Variants in DOCK3 observed in about 807,000 individuals in gnomAD.
The protein encoded by DOCK3 is dedicator of cytokinesis protein 3.
In DOCK3, 60 loss-of-function variants were observed where a neutral mutation model predicts 265.6. That is an observed-to-expected ratio of 0.23 (90% CI 0.18 to 0.28). The LOEUF is 0.28. DOCK3 is among the 10% of genes least tolerant of loss of function. The pLI is 1.00. For missense variants in DOCK3, 1,981 were observed against 2,594.3 expected, an observed-to-expected ratio of 0.76 and a Z score of 5.14; for synonymous variants, 881 against 938.0, an observed-to-expected ratio of 0.94 and a Z score of 1.11.
At chr3:50,841,026 T>C (rs550282811) in intron 2 of DOCK3, among the ~76,000 whole-genome samples, 1 of 152,340 alleles carries the variant, frequency 6.6e-6, no homozygotes, top group Non-Finnish European at 1.5e-5. Context: ...CTCCTACCCA[T>C]TGGAGCTGCT....
intron 19 of DOCK3, among the ~76,000 whole-genome samples, chr3:51,232,100 C>G (rs1265658365): frequency 1.3e-5 from 2 of 152,070 alleles, no homozygotes; most frequent in Admixed American, 6.6e-5. Context: ...ATCTCAGCAC[C>G]ATTCATTTTT....
At chr3:50,811,718 AG>A (rs1271571312) in intron 2 of DOCK3, among the ~76,000 whole-genome samples, 1 of 152,206 alleles carries the variant, frequency 6.6e-6, no homozygotes, top group East Asian at 1.9e-4. Flanking sequence ...GGGTTATTAC[AG>A]TTATATTTAG....
intron 1 of DOCK3, among the ~76,000 whole-genome samples, chr3:50,721,292 A>G (rs576742064): frequency 6.6e-6 from 1 of 152,228 alleles, no homozygotes; most frequent in South Asian, 2.1e-4. Context: ...GGCATTTCCT[A>G]GGTTTTCTTC....
intron 35 of DOCK3, chr3:51,336,873 T>G (rs1271408217): frequency 2.2e-6 from 1 of 456,138 alleles, no homozygotes; most frequent in Non-Finnish European, 4.4e-6. Context: ...TACAAATCAC[T>G]AAATGCCAAA....
At chr3:51,276,694 G>A (rs182324001) in intron 25 of DOCK3, among the ~76,000 whole-genome samples, 169 of 152,220 alleles carry the variant, frequency 1.1e-3, no homozygotes, top group African/African-American at 3.8e-3. Flanking sequence ...ATTATCTCTC[G>A]TTCACCTCTA....
intron 9 of DOCK3, among the ~76,000 whole-genome samples, chr3:51,116,740 C>T (rs2083761018): frequency 6.6e-6 from 1 of 152,090 alleles, no homozygotes; most frequent in African/African-American, 2.4e-5. Flanking sequence ...AACGGGAGTT[C>T]ACTCGTGATT....
In DOCK3 at chr3:50,898,812, G is replaced by A. The variant is rs369754934; in HGVS notation, c.218+8731G>A. Among the ~76,000 whole-genome samples, 5 of 152,140 alleles carry A rather than the reference G, an allele frequency of 3.3e-5. No homozygotes were observed. In the East Asian group the frequency reaches 5.8e-4, roughly 18 times the overall value. On this transcript the variant is annotated intron_variant, in intron 4 of 52. Coordinates refer to ENST00000266037, the MANE Select transcript of DOCK3 (RefSeq NM_004947.5). ...TTTTGATTATGAGTTTCTCAATCCT[G>A]AGTTCCAATTTGATTGCACTGTGGT...
At chr3:51,379,638 A>T in intron 51 of DOCK3, 10 of 985,268 alleles carry the variant, frequency 1.0e-5, no homozygotes, top group Non-Finnish European at 1.2e-5. Flanking sequence ...GGCCACAGCA[A>T]CAGCCATCTA....
chr3:51,107,307 T>C (rs2083319894), intron 9 of DOCK3, among the ~76,000 whole-genome samples: 1 of 152,244 alleles, frequency 6.6e-6, no homozygotes, highest in Non-Finnish European at 1.5e-5. Context: ...GAGTATCTTC[T>C]TTCCTCCAAA....
intron 2 of DOCK3, among the ~76,000 whole-genome samples, chr3:50,818,476 G>T (rs988302350): frequency 6.6e-6 from 1 of 152,198 alleles, no homozygotes; most frequent in Non-Finnish European, 1.5e-5. Flanking sequence ...TGCCTACCAC[G>T]TGTAAACCCT....
intron 3 of DOCK3, among the ~76,000 whole-genome samples, chr3:50,845,781 C>T (rs772315463): frequency 5.3e-5 from 8 of 152,002 alleles, no homozygotes; most frequent in Admixed American, 2.6e-4. Context: ...GAGGTTCAAG[C>T]GATTGAACCT....
chr3:51,216,544 T>C (rs1220292588), intron 14 of DOCK3, among the ~76,000 whole-genome samples: 5 of 152,210 alleles, frequency 3.3e-5, no homozygotes, highest in African/African-American at 1.2e-4. Context: ...GACTGGTTCA[T>C]AGGCAGAGCA....
intron 27 of DOCK3, among the ~76,000 whole-genome samples, chr3:51,307,798 TA>T: frequency 6.6e-6 from 1 of 151,956 alleles, no homozygotes; most frequent in East Asian, 1.9e-4. Flanking sequence ...ATTTTCCTTA[TA>T]ATTTTTTTTT....
intron 40 of DOCK3, among the ~76,000 whole-genome samples, chr3:51,354,122 A>G (rs2086194280): frequency 6.6e-6 from 1 of 152,238 alleles, no homozygotes; most frequent in Non-Finnish European, 1.5e-5. Flanking sequence ...TTACTAATGC[A>G]ATAAACAGTT....
chr3:50,681,406 A>G (rs2034401196), intron 1 of DOCK3, among the ~76,000 whole-genome samples: 1 of 152,208 alleles, frequency 6.6e-6, no homozygotes, highest in Non-Finnish European at 1.5e-5. Context: ...ATCTGAAATT[A>G]TTCCCAACAT....
chr3:50,987,724 A>G (rs1408076104), intron 5 of DOCK3, among the ~76,000 whole-genome samples: 6 of 152,188 alleles, frequency 3.9e-5, no homozygotes, highest in Non-Finnish European at 7.4e-5. Flanking sequence ...GTGGCCCGCC[A>G]GGGAGCAACA....
chr3:50,736,190 G>A (rs1049964661), intron 1 of DOCK3, among the ~76,000 whole-genome samples: 3 of 152,050 alleles, frequency 2.0e-5, no homozygotes, highest in African/African-American at 7.2e-5. Flanking sequence ...TGAGAATGAT[G>A]GTTTCCAGCT....
chr3:50,852,401 A>G (rs1400939045), intron 3 of DOCK3, among the ~76,000 whole-genome samples: 2 of 152,192 alleles, frequency 1.3e-5, no homozygotes, highest in Non-Finnish European at 2.9e-5. Context: ...TTTGAGGAGT[A>G]GATATTAACT....
chr3:51,130,524 AC>A (rs2084480942), intron 9 of DOCK3, among the ~76,000 whole-genome samples: 1 of 152,214 alleles, frequency 6.6e-6, no homozygotes, highest in African/African-American at 2.4e-5. Context: ...TGGAGTCACC[AC>A]TTGGTTAAGC....
Sources: allele counts gnomAD v4.1 joint callset (sites outside exome capture counted in the v4.1 genomes callset), GRCh38; gene constraint gnomAD v4.1.1; transcripts MANE v1.5; gene names NCBI Gene and HGNC (gene_info 2026-07-23, HGNC 2026-07-21).